SKIC3: variants seen among roughly 807,000 people sequenced by gnomAD.
SKIC3 encodes superkiller complex protein 3.
the SKIC3 span, chr5:95,540,982 T>C: frequency 1.1e-6 from 1 of 873,334 alleles, no homozygotes; most frequent in Admixed American, 2.7e-5. Context: ...TTTTATTTTT[T>C]TGAGACGGAG....
chr5:95,464,373 T>G, the SKIC3 span: 1 of 469,644 alleles, frequency 2.1e-6, no homozygotes, highest in Non-Finnish European at 3.8e-6. Flanking sequence ...AAGGCAATAA[T>G]GGTTTTCCTT....
chr5:95,540,414 T>A, the SKIC3 span, among the ~76,000 whole-genome samples: 1 of 151,706 alleles, frequency 6.6e-6, no homozygotes, highest in East Asian at 1.9e-4. Flanking sequence ...AACTTACTCG[T>A]GACCAAATAC....
At chr5:95,507,632 G>A in the SKIC3 span, among the ~76,000 whole-genome samples, 7 of 152,112 alleles carry the variant, frequency 4.6e-5, no homozygotes, top group African/African-American at 1.4e-4. Context: ...ATTTAAAGAC[G>A]ACTGGCTAGG....
chr5:95,491,111 T>C, the SKIC3 span: 1 of 1,576,946 alleles, frequency 6.3e-7, no homozygotes, highest in African/African-American at 1.4e-5. Flanking sequence ...AAAATGAGAT[T>C]AAGAGTTTAC....
the SKIC3 span, chr5:95,464,088 A>G: frequency 6.4e-6 from 1 of 156,380 alleles, no homozygotes; most frequent in Non-Finnish European, 1.4e-5. Flanking sequence ...TGCTTTTTCA[A>G]CAGAATTGGA....
the SKIC3 span, chr5:95,516,622 T>C: frequency 6.2e-7 from 1 of 1,613,252 alleles, no homozygotes; most frequent in African/African-American, 1.3e-5. Context: ...CTGAACTTTG[T>C]TTGAAATACA....
At chr5:95,521,980 T>C in the SKIC3 span, 1 of 1,592,216 alleles carries the variant, frequency 6.3e-7, no homozygotes, top group Non-Finnish European at 8.6e-7. Flanking sequence ...TCAATACATT[T>C]AGGCAGGAAA....
At chr5:95,539,519 A>G in the SKIC3 span, among the ~76,000 whole-genome samples, 1 of 152,174 alleles carries the variant, frequency 6.6e-6, no homozygotes, top group Non-Finnish European at 1.5e-5. Flanking sequence ...TAGTACAACC[A>G]TTATGGAAAA....
the SKIC3 span, among the ~76,000 whole-genome samples, chr5:95,517,937 G>A: frequency 4.0e-5 from 6 of 151,880 alleles, no homozygotes; most frequent in African/African-American, 1.2e-4. Flanking sequence ...CCTGATAAAA[G>A]GGTAGGTTCA....
At chr5:95,526,312 C>G in the SKIC3 span, among the ~76,000 whole-genome samples, 1 of 151,660 alleles carries the variant, frequency 6.6e-6, no homozygotes, top group Non-Finnish European at 1.5e-5. Flanking sequence ...CACAGTTTCT[C>G]AGAGTCTGGA....
chr5:95,517,886 C>G, the SKIC3 span, among the ~76,000 whole-genome samples: 1 of 152,006 alleles, frequency 6.6e-6, no homozygotes, highest in African/African-American at 2.4e-5. Context: ...TGGATTAATA[C>G]TGTTATTGTA....
At chr5:95,468,813 T>C in the SKIC3 span, among the ~76,000 whole-genome samples, 7 of 152,300 alleles carry the variant, frequency 4.6e-5, no homozygotes, top group African/African-American at 1.7e-4. Context: ...ACAAAGATTA[T>C]TGGGGTAGGG....
At chr5:95,506,280 G>T in the SKIC3 span, among the ~76,000 whole-genome samples, 1 of 152,158 alleles carries the variant, frequency 6.6e-6, no homozygotes. Context: ...CTCCTTAAAA[G>T]ATGTAGCACT....
the SKIC3 span, chr5:95,467,804 A>T: frequency 6.2e-7 from 1 of 1,603,386 alleles, no homozygotes; most frequent in Non-Finnish European, 8.5e-7. Context: ...CCTTAGATCA[A>T]AGATAAAACA....
the SKIC3 span, among the ~76,000 whole-genome samples, chr5:95,514,410 A>G: frequency 1.3e-5 from 2 of 152,208 alleles, no homozygotes; most frequent in Admixed American, 1.3e-4. Context: ...GAACACTCAT[A>G]AACAAGTGAC....
the SKIC3 span, chr5:95,478,485 A>C: frequency 6.2e-7 from 1 of 1,612,436 alleles, no homozygotes; most frequent in Non-Finnish European, 8.5e-7. Context: ...ATTTTAGTTT[A>C]TTATGCAGTC....
At chr5:95,484,030 T>C in the SKIC3 span, among the ~76,000 whole-genome samples, 2 of 152,116 alleles carry the variant, frequency 1.3e-5, no homozygotes, top group Non-Finnish European at 2.9e-5. Context: ...AAATAAAAAA[T>C]TTTTTAAAGA....
At chr5:95,528,256 A>G in the SKIC3 span, 1 of 1,405,632 alleles carries the variant, frequency 7.1e-7, no homozygotes, top group Non-Finnish European at 1.0e-6. Context: ...AATAAGCATA[A>G]ATTTCCAAAA....
the SKIC3 span, among the ~76,000 whole-genome samples, chr5:95,490,624 A>G: frequency 2.0e-5 from 3 of 151,462 alleles, no homozygotes; most frequent in African/African-American, 4.8e-5. Context: ...CAGCCTCCAG[A>G]GTAGCTAGGA....
Sources: gnomAD v4.1 joint callset for allele counts (sites outside exome capture counted in the v4.1 genomes callset) on GRCh38, gnomAD v4.1.1 for gene constraint, MANE v1.5 for transcripts, NCBI Gene and HGNC (gene_info 2026-07-23, HGNC 2026-07-21) for gene names.